Variants in PTPRM observed in about 807,000 individuals in gnomAD.
The protein encoded by PTPRM is protein tyrosine phosphatase receptor type M.
Under a neutral mutation model 186.7 loss-of-function variants are expected in PTPRM, and 47 were observed. The observed-to-expected ratio is 0.25, with a 90% CI of 0.20 to 0.32. The LOEUF (loss-of-function observed/expected upper bound fraction) is 0.32, where lower values mean the gene tolerates loss of function less well. Among genes scored for constraint, PTPRM ranks in the 10% least tolerant of loss-of-function variants. PTPRM has a pLI of 1.00. For synonymous variants in PTPRM, 668 were observed against 674.9 expected (o/e 0.99, Z 0.16); for missense variants, 1,494 against 1,865.0 (o/e 0.80, Z 3.66).
chr18:7,567,847 C>T lies in PTPRM; in HGVS notation c.29C>T (p.Thr10Ile), dbSNP rs1488594433. Residue 10 changes from threonine to isoleucine, a missense_variant, in exon 1 of 33, where the codon ACT becomes ATT. Transcript: ENST00000580170. The surrounding 1 kb of genome is among the most constrained non-coding windows in gnomAD (Gnocchi z 4.3). ...AGGGGACTTGGGACTTGCCTGGCGA[C>T]TTTGGCCGGACTTTTGCTAACTGCG... MRGLGTCLA[T>I]LAGLLLTAAG... 6.4e-7 allele frequency: 1 copy of T among 1,564,250 alleles called. No homozygotes were observed. Among genetic ancestry groups the T allele is most frequent in the Admixed American group, 1.9e-5 (1 of 52,708 alleles).
In PTPRM at chr18:7,580,110, T is replaced by C. The variant is rs144866810; in HGVS notation, c.73+12219T>C. Among the ~76,000 whole-genome samples the C allele has an allele frequency of 1.1e-4, 16 of 152,354 alleles. No individual in the cohort carries two copies. In the East Asian group the frequency reaches 2.9e-3, roughly 28 times the overall value. Reference sequence around the variant, plus strand: ...GTTGACATCTTTAGATTCTCCCTTGTAAAATGACATTTGATTCAAGGATCT... The same window carrying C: ...GTTGACATCTTTAGATTCTCCCTTGCAAAATGACATTTGATTCAAGGATCT... On this transcript the variant is annotated intron_variant, in intron 1 of 32. Coordinates refer to ENST00000580170, the MANE Select transcript of PTPRM (RefSeq NM_001105244.2).
intron 31 of PTPRM, among the ~76,000 whole-genome samples, chr18:8,392,932 G>GAAGAATAATAGGAA (rs1209498308): frequency 6.6e-6 from 1 of 152,136 alleles, no homozygotes; most frequent in Non-Finnish European, 1.5e-5. Context: ...TAGGGAAGAA[G>GAAGAATAATAGGAA]AGACAGCTCT....
chr18:7,960,593 A>C (rs1328943006), intron 7 of PTPRM, among the ~76,000 whole-genome samples: 1 of 151,904 alleles, frequency 6.6e-6, no homozygotes, highest in Non-Finnish European at 1.5e-5. Flanking sequence ...GCTACAAAAA[A>C]TTAAATGAAG....
At chr18:7,910,708 C>T (rs2050217808) in intron 4 of PTPRM, among the ~76,000 whole-genome samples, 1 of 152,152 alleles carries the variant, frequency 6.6e-6, no homozygotes, top group Non-Finnish European at 1.5e-5. Context: ...AAAACTTAGC[C>T]CAAGACCAGC....
intron 14 of PTPRM, among the ~76,000 whole-genome samples, chr18:8,191,171 G>T (rs2093704390): frequency 6.6e-6 from 1 of 152,294 alleles, no homozygotes; most frequent in Admixed American, 6.5e-5. Flanking sequence ...TGTTTTATGG[G>T]CTTGCCCAGC....
chr18:8,270,585 C>A (rs529294761), intron 19 of PTPRM: 3 of 152,108 alleles, frequency 2.0e-5, no homozygotes, highest in East Asian at 3.9e-4. Context: ...TTCACAATAA[C>A]CAAGACATGG....
intron 1 of PTPRM, among the ~76,000 whole-genome samples, chr18:7,597,272 A>G (rs1291619980): frequency 1.3e-5 from 2 of 152,190 alleles, no homozygotes; most frequent in Non-Finnish European, 2.9e-5. Flanking sequence ...TGGTTCATGG[A>G]AGACCTCCAG....
intron 1 of PTPRM, among the ~76,000 whole-genome samples, chr18:7,629,984 C>A (rs1476006588): frequency 6.6e-6 from 1 of 151,834 alleles, no homozygotes; most frequent in African/African-American, 2.4e-5. Flanking sequence ...GATGGTAGAC[C>A]AGATCATGGG....
At chr18:8,259,656 T>A (rs1015149164) in intron 19 of PTPRM, among the ~76,000 whole-genome samples, 2 of 152,162 alleles carry the variant, frequency 1.3e-5, no homozygotes, top group Admixed American at 6.5e-5. Context: ...TCTTGCTTTT[T>A]TTTTTGTGAC....
At chr18:8,207,375 T>C (rs904797853) in intron 14 of PTPRM, among the ~76,000 whole-genome samples, 12 of 152,216 alleles carry the variant, frequency 7.9e-5, no homozygotes, top group Non-Finnish European at 1.2e-4. Flanking sequence ...AATTTTCCAA[T>C]GCAGTGATTT....
chr18:7,835,193 T>C (rs536164487), intron 2 of PTPRM, among the ~76,000 whole-genome samples: 2 of 149,646 alleles, frequency 1.3e-5, no homozygotes, highest in East Asian at 3.9e-4. Flanking sequence ...TTTTTCTTTT[T>C]TTTTTTTTTT....
chr18:8,357,684 A>G (rs151113479), intron 23 of PTPRM, among the ~76,000 whole-genome samples: 2 of 152,356 alleles, frequency 1.3e-5, no homozygotes, highest in African/African-American at 4.8e-5. Context: ...TATTTTACTC[A>G]AAGTGTTTAA....
At chr18:7,983,055 C>G (rs1393665900) in intron 7 of PTPRM, among the ~76,000 whole-genome samples, 1 of 151,990 alleles carries the variant, frequency 6.6e-6, no homozygotes, top group South Asian at 2.1e-4. Flanking sequence ...TCAGAAATGC[C>G]TTTTCCTCCT....
chr18:8,237,220 A>G (rs187793215), intron 14 of PTPRM, among the ~76,000 whole-genome samples: 8 of 152,118 alleles, frequency 5.3e-5, no homozygotes, highest in Admixed American at 5.2e-4. Flanking sequence ...ATCATCAAAT[A>G]CTTTGTTGCT....
intron 1 of PTPRM, among the ~76,000 whole-genome samples, chr18:7,683,650 G>C (rs1268138236): frequency 6.6e-6 from 1 of 152,176 alleles, no homozygotes; most frequent in Admixed American, 6.5e-5. Context: ...AATTTGAGGG[G>C]ATCAAGAACT....
intron 4 of PTPRM, among the ~76,000 whole-genome samples, chr18:7,908,472 G>A (rs1440469816): frequency 6.6e-6 from 1 of 152,116 alleles, no homozygotes. Flanking sequence ...GACCCTCTTT[G>A]TTAAGCTTTA....
intron 1 of PTPRM, among the ~76,000 whole-genome samples, chr18:7,681,720 A>T (rs2039485488): frequency 6.6e-6 from 1 of 152,190 alleles, no homozygotes; most frequent in Non-Finnish European, 1.5e-5. Flanking sequence ...CTCAATTCTC[A>T]ATTGCATTTC....
intron 1 of PTPRM, among the ~76,000 whole-genome samples, chr18:7,685,942 A>G (rs2039592561): frequency 6.6e-6 from 1 of 152,164 alleles, no homozygotes; most frequent in Non-Finnish European, 1.5e-5. Flanking sequence ...TTAAAGCAGA[A>G]AAGGAATTTA....
chr18:8,212,489 T>G (rs1568532807), intron 14 of PTPRM, among the ~76,000 whole-genome samples: 1 of 152,212 alleles, frequency 6.6e-6, no homozygotes, highest in Non-Finnish European at 1.5e-5. Flanking sequence ...AATGACATAT[T>G]TACATATGTA....
Sources: allele counts gnomAD v4.1 joint callset (sites outside exome capture counted in the v4.1 genomes callset), GRCh38; gene constraint gnomAD v4.1.1; non-coding constraint Gnocchi (gnomAD v3.1); transcripts MANE v1.5; gene names NCBI Gene and HGNC (gene_info 2026-07-23, HGNC 2026-07-21).